The following PARP11 variants were observed in gnomAD, a reference collection of about 807,000 sequenced individuals.
PARP11 encodes poly(ADP-ribose) polymerase family member 11.
PARP11 carries 31 observed loss-of-function variants against 42.9 expected under a neutral mutation model. The ratio of observed to expected loss-of-function variants is 0.72; its 90% CI spans 0.54 to 0.98. The LOEUF (loss-of-function observed/expected upper bound fraction) is 0.98. PARP11 is among the 50% of genes least tolerant of loss of function. PARP11 has a pLI of 0.00. For missense variants in PARP11, 365 were observed against 413.1 expected (o/e 0.88, Z 1.01); for synonymous variants, 137 against 127.3 (o/e 1.08, Z -0.51).
At chr12:3,868,842 C>G (rs1185880187) in intron 1 of PARP11, among the ~76,000 whole-genome samples, 4 of 152,204 alleles carry the variant, frequency 2.6e-5, no homozygotes, top group Non-Finnish European at 1.5e-5. Flanking sequence ...TCTTTTGCTG[C>G]TAGAACAAAT....
chr12:3,823,886 A>T (rs1947459654), intron 4 of PARP11, among the ~76,000 whole-genome samples: 1 of 151,606 alleles, frequency 6.6e-6, no homozygotes, highest in African/African-American at 2.4e-5. Context: ...ACTGCACTCC[A>T]GCCTGGGCAA....
intron 1 of PARP11, among the ~76,000 whole-genome samples, 168 bp downstream of exon 1, chr12:3,873,044 T>C (rs1948521501): frequency 6.6e-6 from 1 of 152,228 alleles, no homozygotes; most frequent in South Asian, 2.1e-4. Flanking sequence ...GCACTTCCAC[T>C]GCTTAAAAAG....
At chr12:3,851,537 G>C (rs556746339) in intron 1 of PARP11, among the ~76,000 whole-genome samples, 1 of 152,256 alleles carries the variant, frequency 6.6e-6, no homozygotes. Flanking sequence ...CAAACTGCAA[G>C]GCAGCAGCCT....
chr12:3,866,752 A>C (rs1948399607), intron 1 of PARP11, among the ~76,000 whole-genome samples: 1 of 152,210 alleles, frequency 6.6e-6, no homozygotes. Context: ...AAAACAGGTA[A>C]AAATTCTTGA....
chr12:3,816,185 C>T (rs763627884), intron 6 of PARP11, among the ~76,000 whole-genome samples: 3 of 150,756 alleles, frequency 2.0e-5, no homozygotes, highest in Non-Finnish European at 4.4e-5. Context: ...TAAAAACAAA[C>T]GAAAAAAGTT....
rs1214205507 is a variant in PARP11 at position 3,873,236 on chromosome 12, G to A, written c.-7C>T. 6 of 1,549,874 alleles carry A rather than the reference G, an allele frequency of 3.9e-6. No individual in the cohort carries two copies. The highest frequency in any genetic ancestry group is 3.9e-5 in the Admixed American group (2 of 50,934). ...CTGGATTCGCTTCCCACATAACGGT[G>A]ACAAAATCGAGCGGAGAGAGCCTGT... is the stretch of plus-strand genomic sequence containing the variant. On this transcript the variant is annotated 5_prime_UTR_variant, in exon 1 of 8. Transcript: ENST00000228820.
At chr12:3,845,750 A>G (rs997020119) in intron 1 of PARP11, among the ~76,000 whole-genome samples, 5 of 152,170 alleles carry the variant, frequency 3.3e-5, no homozygotes, top group African/African-American at 4.8e-5. Flanking sequence ...GTTATTTTCA[A>G]ATAACTAAGG....
intron 1 of PARP11, among the ~76,000 whole-genome samples, chr12:3,862,848 A>C (rs1948321568): frequency 6.6e-6 from 1 of 152,104 alleles, no homozygotes; most frequent in South Asian, 2.1e-4. Context: ...TGAATCATTA[A>C]ATCAGGTAGC....
At chr12:3,845,906 T>G (rs926295472) in intron 1 of PARP11, among the ~76,000 whole-genome samples, 1 of 152,170 alleles carries the variant, frequency 6.6e-6, no homozygotes, top group Admixed American at 6.5e-5. Flanking sequence ...AACTTTGGGG[T>G]TGAACTTACT....
chr12:3,829,062 A>G, intron 2 of PARP11, 32 bp from the exon 3 acceptor site: 6 of 1,612,396 alleles, frequency 3.7e-6, no homozygotes, highest in South Asian at 1.1e-5. Context: ...TTCATTTACC[A>G]GCTGTTCACA....
intron 1 of PARP11, among the ~76,000 whole-genome samples, chr12:3,867,197 T>A (rs1276154828): frequency 6.6e-6 from 1 of 152,198 alleles, no homozygotes; most frequent in African/African-American, 2.4e-5. Flanking sequence ...ACTAAAAGAT[T>A]CTTTATATGA....
rs549572847 is a variant in PARP11, at chr12:3,826,521, C to G, written c.269-288G>C. ...CGGTCTATTCCCCTTCTGTATCACACTTAGGTTAAACAGACACTAAACTAG... is the reference window on the plus strand; with the variant it reads ...CGGTCTATTCCCCTTCTGTATCACAGTTAGGTTAAACAGACACTAAACTAG... On this transcript the variant is annotated intron_variant, in intron 3 of 7. Coordinates refer to ENST00000228820, the MANE Select transcript of PARP11 (RefSeq NM_020367.6). Among the ~76,000 whole-genome samples, 15 of 152,304 alleles carry G rather than the reference C, an allele frequency of 9.8e-5. No homozygotes were observed. In the South Asian group the frequency reaches 2.9e-3, roughly 29 times the overall value.
Position 3,841,023 on chromosome 12 carries a change from A to G in PARP11, c.19-11005T>C, listed in dbSNP as rs1045882751. ...TCCCTGCTCCAATTCCTGGTCGGTCAGTGACACAGACTTTGACCCCTGGAC... is the reference window on the plus strand; with the variant it reads ...TCCCTGCTCCAATTCCTGGTCGGTCGGTGACACAGACTTTGACCCCTGGAC... On this transcript the variant is annotated intron_variant, in intron 1 of 7. Transcript: ENST00000228820. 4.4e-6 allele frequency: 7 copies of G among 1,585,460 alleles called. No individual in the cohort carries two copies. In the African/African-American group the frequency reaches 9.4e-5, roughly 21 times the overall value.
At position 3,840,272 on chromosome 12, in the gene PARP11, C is replaced by T; in HGVS notation, c.19-10254G>A. ...TTGGTTGAAGAACTGGGAAAGTACA[C>T]ATCAAAGAACCTCAAGGCACCTCCC... On this transcript the variant is annotated intron_variant, in intron 1 of 7. Coordinates refer to ENST00000228820, the MANE Select transcript of PARP11 (RefSeq NM_020367.6). This position sits in a 1 kb window ranked among gnomAD's most constrained non-coding sequence, Gnocchi z 4.4. The T allele has an allele frequency of 6.2e-7, 1 of 1,613,826 alleles. No individual in the cohort carries two copies. The highest frequency in any genetic ancestry group is 1.1e-5 in the South Asian group (1 of 91,076).
chr12:3,839,043 C>T (rs1947827570), intron 1 of PARP11, among the ~76,000 whole-genome samples: 2 of 152,230 alleles, frequency 1.3e-5, no homozygotes, highest in South Asian at 4.1e-4. Flanking sequence ...ATCCCGCTCC[C>T]CCCGTTTGTC....
In PARP11 at chr12:3,810,195, T is replaced by C. The variant is rs1262162154; in HGVS notation, c.*1928A>G. 1 of 152,152 alleles carries C rather than the reference T, an allele frequency of 6.6e-6. No homozygotes were observed. The highest frequency in any genetic ancestry group is 2.4e-5 in the African/African-American group (1 of 41,438). 9.4% of individuals were successfully genotyped at this position (152,152 alleles called of 1,614,324 possible). A position where few individuals can be genotyped will look rare whatever the true frequency, so the allele number is the denominator to read the frequency against. On this transcript the variant is annotated 3_prime_UTR_variant, in exon 8 of 8. Transcript: ENST00000228820. ...TGTGTACACTAACTCTCAGCCAAAA[T>C]TGGGTGAGGATAATAGAGAGAAAAT...
Position 3,809,112 on chromosome 12 carries a change from T to C in PARP11, c.*3011A>G, listed in dbSNP as rs1947123362. ...ATTCAATATAGAGTTTTAAAAACCA[T>C]TTATCATTATTCTAGGTTTATGTCT... On this transcript the variant is annotated 3_prime_UTR_variant, in exon 8 of 8. Transcript: ENST00000228820. The C allele has an allele frequency of 6.6e-6, 1 of 152,174 alleles. No individual in the cohort carries two copies. Among genetic ancestry groups the C allele is most frequent in the South Asian group, 2.1e-4 (1 of 4,830 alleles). The allele number at this position is 152,174 out of a possible 1,614,324, so 9.4% of individuals were successfully genotyped here. A position where few individuals can be genotyped will look rare whatever the true frequency, so the allele number is the denominator to read the frequency against.
intron 1 of PARP11, among the ~76,000 whole-genome samples, chr12:3,850,864 T>C (rs1313691298): frequency 2.0e-5 from 3 of 152,160 alleles, no homozygotes; most frequent in Non-Finnish European, 4.4e-5. Flanking sequence ...ATATATATGA[T>C]CTGAAGAAAG....
intron 4 of PARP11, 66 bp downstream of exon 4, chr12:3,826,092 T>C: frequency 1.1e-6 from 1 of 891,550 alleles, no homozygotes; most frequent in South Asian, 1.8e-5. Context: ...CCAGTCTATT[T>C]GTTTTTCTGT....
Sources: allele counts gnomAD v4.1 joint callset (sites outside exome capture counted in the v4.1 genomes callset), GRCh38; gene constraint gnomAD v4.1.1; non-coding constraint Gnocchi (gnomAD v3.1); transcripts MANE v1.5; gene names NCBI Gene and HGNC (gene_info 2026-07-23, HGNC 2026-07-21).